The following PCDH9 variants were observed in gnomAD, a reference collection of about 807,000 sequenced individuals.
PCDH9 encodes the protein protocadherin-9.
PCDH9 carries 24 observed loss-of-function variants against 70.6 expected under a neutral mutation model. That is an observed-to-expected ratio of 0.34 (90% CI 0.25 to 0.48). The LOEUF (loss-of-function observed/expected upper bound fraction) is 0.48, where lower values mean the gene tolerates loss of function less well. PCDH9 is among the 20% of genes least tolerant of loss of function. PCDH9 has a pLI of 0.99. For missense variants in PCDH9, 1,281 were observed against 1,503.6 expected (o/e 0.85, Z 2.45); for synonymous variants, 562 against 558.5 (o/e 1.01, Z -0.09).
At chr13:66,886,999 T>C (rs2082014554) in intron 3 of PCDH9, among the ~76,000 whole-genome samples, 1 of 150,794 alleles carries the variant, frequency 6.6e-6, no homozygotes, top group Non-Finnish European at 1.5e-5. Context: ...TATTGTGTTC[T>C]CTCTCTCTCT....
At chr13:67,208,367 A>G (rs1296789354) in intron 2 of PCDH9, 1 of 152,094 alleles carries the variant, frequency 6.6e-6, no homozygotes, top group Non-Finnish European at 1.5e-5. Context: ...AAATGACCAT[A>G]TATTTGTTGG....
At chr13:66,787,656 A>G (rs11843017) in intron 3 of PCDH9, among the ~76,000 whole-genome samples, 2,441 of 152,140 alleles carry the variant, frequency 0.016, 74 homozygotes, top group African/African-American at 0.055. Context: ...CTGAATCTGC[A>G]TTTGCTGCTT....
chr13:66,899,349 T>C (rs900361466), intron 3 of PCDH9, among the ~76,000 whole-genome samples: 7 of 152,066 alleles, frequency 4.6e-5, no homozygotes, highest in Non-Finnish European at 1.0e-4. Flanking sequence ...GTCTAGAGGC[T>C]AAAATTCACA....
chr13:66,319,290 T>A (rs946149609), intron 4 of PCDH9, among the ~76,000 whole-genome samples: 1 of 152,120 alleles, frequency 6.6e-6, no homozygotes, highest in African/African-American at 2.4e-5. Flanking sequence ...AGGATTACAA[T>A]TTGAGATGAG....
chr13:66,811,150 A>G (rs1566209732), intron 3 of PCDH9, among the ~76,000 whole-genome samples: 1 of 152,202 alleles, frequency 6.6e-6, no homozygotes, highest in Non-Finnish European at 1.5e-5. Context: ...CAGTAAAAAA[A>G]TTGTTAAAAC....
intron 4 of PCDH9, among the ~76,000 whole-genome samples, chr13:66,382,831 G>T (rs1180108288): frequency 6.6e-6 from 1 of 152,166 alleles, no homozygotes; most frequent in East Asian, 1.9e-4. Flanking sequence ...AGGAGGTCAA[G>T]ACTAGCCTGG....
chr13:66,388,487 A>G (rs1956967484), intron 4 of PCDH9, among the ~76,000 whole-genome samples: 2 of 152,140 alleles, frequency 1.3e-5, no homozygotes, highest in Non-Finnish European at 2.9e-5. Flanking sequence ...ATTTTTCAGT[A>G]ATATGTAATG....
chr13:67,138,842 G>A (rs754083652), intron 2 of PCDH9, among the ~76,000 whole-genome samples: 1 of 152,102 alleles, frequency 6.6e-6, no homozygotes, highest in Non-Finnish European at 1.5e-5. Context: ...ATTGAAAATA[G>A]CCTATACATA....
chr13:66,842,588 C>G (rs1244976965), intron 3 of PCDH9, among the ~76,000 whole-genome samples: 1 of 152,130 alleles, frequency 6.6e-6, no homozygotes, highest in Non-Finnish European at 1.5e-5. Context: ...CATTTCATCT[C>G]TTTTCTGAAC....
chr13:67,225,289 A>G lies in PCDH9; in HGVS notation c.3036+116T>C, dbSNP rs555008518. 9 of 1,282,058 alleles carry G rather than the reference A, an allele frequency of 7.0e-6. No individual in the cohort carries two copies. The South Asian group carries it at 1.3e-4, about 19-fold the overall frequency. The allele number at this position is 1,282,058 out of a possible 1,614,324, so 79.4% of individuals were successfully genotyped here. On this transcript the variant is annotated intron_variant, in intron 2 of 4. Transcript: ENST00000377865. ...TAGAAAAGGGGTCAAGTTTTTTTTT[A>G]CCTCTTTCTAACTAAGCTAAAGTTA...
chr13:66,387,760 A>T (rs1956953168), intron 4 of PCDH9, among the ~76,000 whole-genome samples: 1 of 152,112 alleles, frequency 6.6e-6, no homozygotes, highest in Non-Finnish European at 1.5e-5. Context: ...CTATATAGCA[A>T]CATAAATGGA....
rs1322639155 is a variant in PCDH9 at position 67,224,749 on chromosome 13, A to G, written c.3036+656T>C. On this transcript the variant is annotated intron_variant, in intron 2 of 4. Transcript: ENST00000377865. ...AGCATTCTTTTTTTTTTTTTTTTTG[A>G]AAGAGTATTTGGCCACTGCGGACAC... 6 of 674,512 alleles carry G rather than the reference A, an allele frequency of 8.9e-6. No individual in the cohort carries two copies. In the African/African-American group the frequency reaches 1.2e-4, roughly 13 times the overall value. The allele number at this position is 674,512 out of a possible 1,614,324, so 41.8% of individuals were successfully genotyped here. A position where few individuals can be genotyped will look rare whatever the true frequency, so the allele number is the denominator to read the frequency against.
chr13:67,166,788 G>A (rs9564376), intron 2 of PCDH9, among the ~76,000 whole-genome samples: 119,952 of 152,098 alleles, frequency 0.79, 49,375 homozygotes, highest in East Asian at 0.92. Context: ...TGTGGCTACC[G>A]TGGCTACGGG....
intron 4 of PCDH9, among the ~76,000 whole-genome samples, chr13:66,468,047 G>A (rs1958549394): frequency 6.6e-6 from 1 of 151,860 alleles, no homozygotes; most frequent in Admixed American, 6.6e-5. Context: ...CTCCTGATTT[G>A]TTGATCCAAC....
chr13:66,346,248 A>C (rs1447713661), intron 4 of PCDH9, among the ~76,000 whole-genome samples: 1 of 152,106 alleles, frequency 6.6e-6, no homozygotes, highest in East Asian at 1.9e-4. Context: ...ATTGCTCGCA[A>C]ACACTCCAAA....
At chr13:67,127,896 T>A (rs1688899638) in intron 2 of PCDH9, among the ~76,000 whole-genome samples, 1 of 152,056 alleles carries the variant, frequency 6.6e-6, no homozygotes, top group Non-Finnish European at 1.5e-5. Flanking sequence ...TGTCATTTTG[T>A]TAATGAATGG....
At chr13:66,961,923 T>C (rs555661807) in intron 2 of PCDH9, among the ~76,000 whole-genome samples, 3 of 152,030 alleles carry the variant, frequency 2.0e-5, no homozygotes, top group African/African-American at 4.8e-5. Flanking sequence ...TGGTGGCGTG[T>C]GCCGGTAATC....
At chr13:66,811,785 CT>C (rs2080512651) in intron 3 of PCDH9, among the ~76,000 whole-genome samples, 1 of 141,492 alleles carries the variant, frequency 7.1e-6, no homozygotes, top group Non-Finnish European at 1.5e-5. Flanking sequence ...CTCTCTTTTC[CT>C]TCTCTTTCTC....
At chr13:66,997,168 C>T (rs921346891) in intron 2 of PCDH9, among the ~76,000 whole-genome samples, 4 of 152,104 alleles carry the variant, frequency 2.6e-5, no homozygotes, top group African/African-American at 7.2e-5. Flanking sequence ...TTGCTATAAA[C>T]GAATACCTGA....
Sources: gnomAD v4.1 joint callset for allele counts (sites outside exome capture counted in the v4.1 genomes callset) on GRCh38, gnomAD v4.1.1 for gene constraint, MANE v1.5 for transcripts, NCBI Gene and HGNC (gene_info 2026-07-23, HGNC 2026-07-21) for gene names.